RIT2: variants seen among roughly 807,000 people sequenced by gnomAD.
RIT2 encodes GTP-binding protein Rit2.
RIT2 carries 24 observed loss-of-function variants against 23.7 expected under a neutral mutation model. The ratio of observed to expected loss-of-function variants is 1.01; its 90% CI spans 0.73 to 1.43. The LOEUF (loss-of-function observed/expected upper bound fraction) is 1.43, where lower values mean the gene tolerates loss of function less well. Ranked by LOEUF, RIT2 falls within the 40% of genes most tolerant of loss-of-function variation. RIT2 has a pLI of 0.00. For missense variants in RIT2, 236 were observed against 266.9 expected, an observed-to-expected ratio of 0.88 and a Z score of 0.81; for synonymous variants, 107 against 91.1, an observed-to-expected ratio of 1.17 and a Z score of -0.99.
intron 1 of RIT2, among the ~76,000 whole-genome samples, chr18:43,063,849 T>G (rs991774535): frequency 3.3e-5 from 5 of 152,182 alleles, no homozygotes; most frequent in Non-Finnish European, 7.3e-5. Context: ...TGGAAATGTC[T>G]ATTAGGTACC....
intron 4 of RIT2, among the ~76,000 whole-genome samples, chr18:42,882,316 G>A (rs75971989): frequency 0.012 from 1,861 of 152,212 alleles, 38 homozygotes; most frequent in African/African-American, 0.041. Context: ...CTTAGACTGC[G>A]TCATGCTACT....
chr18:42,764,175 TA>T (rs1441228753), intron 4 of RIT2, among the ~76,000 whole-genome samples: 1 of 152,222 alleles, frequency 6.6e-6, no homozygotes, highest in African/African-American at 2.4e-5. Flanking sequence ...CCAAAGGAGA[TA>T]AGCTAAGTTA....
intron 4 of RIT2, among the ~76,000 whole-genome samples, chr18:42,745,947 C>A (rs1912906925): frequency 6.6e-6 from 1 of 151,982 alleles, no homozygotes; most frequent in African/African-American, 2.4e-5. Context: ...GCCTAAAGGC[C>A]CTTGTGGCTT....
At chr18:42,809,794 A>G (rs1905784025) in intron 4 of RIT2, among the ~76,000 whole-genome samples, 1 of 146,836 alleles carries the variant, frequency 6.8e-6, no homozygotes, top group Non-Finnish European at 1.5e-5. Context: ...TCCCAAGTAA[A>G]CTGATTTGAT....
At chr18:42,962,370 G>A (rs1910112742) in intron 3 of RIT2, among the ~76,000 whole-genome samples, 1 of 152,180 alleles carries the variant, frequency 6.6e-6, no homozygotes, top group South Asian at 2.1e-4. Flanking sequence ...GAGGGCATGA[G>A]TGTATAAGCC....
intron 1 of RIT2, among the ~76,000 whole-genome samples, chr18:43,079,495 T>C (rs1913104069): frequency 6.6e-6 from 1 of 152,164 alleles, no homozygotes; most frequent in African/African-American, 2.4e-5. Context: ...GAGTGAAGAA[T>C]CTCCAATTTT....
At chr18:42,992,372 C>A (rs1326615000) in intron 2 of RIT2, among the ~76,000 whole-genome samples, 1 of 152,090 alleles carries the variant, frequency 6.6e-6, no homozygotes, top group Admixed American at 6.6e-5. Context: ...GTCTGAGGTG[C>A]CTGACGTCCA....
chr18:43,104,735 G>A (rs773016925), intron 1 of RIT2, among the ~76,000 whole-genome samples: 2 of 151,936 alleles, frequency 1.3e-5, no homozygotes, highest in Non-Finnish European at 2.9e-5. Flanking sequence ...ATAATAGGCA[G>A]GAACCAATTA....
chr18:42,896,419 T>G (rs961893496), intron 4 of RIT2, among the ~76,000 whole-genome samples: 1 of 152,318 alleles, frequency 6.6e-6, no homozygotes, highest in African/African-American at 2.4e-5. Flanking sequence ...TTTCAGAACA[T>G]TATCCTGACT....
At chr18:43,004,495 C>T (rs545370432) in intron 2 of RIT2, among the ~76,000 whole-genome samples, 7 of 151,924 alleles carry the variant, frequency 4.6e-5, no homozygotes, top group Middle Eastern at 3.4e-3. Flanking sequence ...TTAGCATGAG[C>T]CTCATAACAG....
chr18:43,086,758 G>A (rs892237430), intron 1 of RIT2, among the ~76,000 whole-genome samples: 8 of 152,140 alleles, frequency 5.3e-5, no homozygotes, highest in Non-Finnish European at 8.8e-5. Flanking sequence ...CCTCCTGGAT[G>A]AAAAGATCAT....
intron 4 of RIT2, among the ~76,000 whole-genome samples, chr18:42,793,673 T>C (rs929988435): frequency 4.1e-4 from 62 of 152,070 alleles, no homozygotes; most frequent in African/African-American, 1.4e-3. Context: ...ATTTAGAAGT[T>C]GGACAGATAA....
intron 3 of RIT2, among the ~76,000 whole-genome samples, chr18:42,930,518 T>C (rs543293336): frequency 3.3e-5 from 5 of 152,088 alleles, no homozygotes; most frequent in Non-Finnish European, 7.4e-5. Context: ...GACACATTGA[T>C]ACCACTGCCT....
intron 4 of RIT2, among the ~76,000 whole-genome samples, chr18:42,758,329 T>G (rs1842359199): frequency 6.6e-6 from 1 of 152,172 alleles, no homozygotes; most frequent in South Asian, 2.1e-4. Flanking sequence ...CACCTCATTC[T>G]TCTAACATGG....
At chr18:42,930,535 G>A (rs1909301692) in intron 3 of RIT2, among the ~76,000 whole-genome samples, 1 of 151,944 alleles carries the variant, frequency 6.6e-6, no homozygotes, top group Non-Finnish European at 1.5e-5. Context: ...GCCTCGCCAA[G>A]GAAAGAAAGA....
chr18:42,992,773 G>A (rs975512396), intron 2 of RIT2, among the ~76,000 whole-genome samples: 4 of 152,046 alleles, frequency 2.6e-5, no homozygotes, highest in Admixed American at 6.6e-5. Flanking sequence ...ATCAGTTAGC[G>A]TTTAGGCTCT....
rs1464387564 is a variant in RIT2 at position 42,959,663 on chromosome 18, T to G, written c.234+14411A>C. Among the ~76,000 whole-genome samples, 4 of 152,218 alleles carry G rather than the reference T, an allele frequency of 2.6e-5. No individual in the cohort carries two copies. In the East Asian group the frequency reaches 7.7e-4, roughly 29 times the overall value. ...CAGTCATTTGTCAGATTTAAGCCAC[T>G]GTACTCCATTTAGACTAATTCATAT... On this transcript the variant is annotated intron_variant, in intron 3 of 4. Coordinates refer to ENST00000326695, the MANE Select transcript of RIT2 (RefSeq NM_002930.4).
chr18:42,795,438 G>A (rs1425886469), intron 4 of RIT2, among the ~76,000 whole-genome samples: 2 of 152,216 alleles, frequency 1.3e-5, no homozygotes, highest in Non-Finnish European at 2.9e-5. Context: ...CGCTGCTCTC[G>A]ATTTCTCACC....
intron 4 of RIT2, among the ~76,000 whole-genome samples, chr18:42,861,510 G>T (rs1456849202): frequency 6.6e-6 from 1 of 152,108 alleles, no homozygotes; most frequent in Non-Finnish European, 1.5e-5. Context: ...TCTCTGTCAT[G>T]ACATCACCAA....
Sources: allele counts gnomAD v4.1 joint callset (sites outside exome capture counted in the v4.1 genomes callset), GRCh38; gene constraint gnomAD v4.1.1; transcripts MANE v1.5; gene names NCBI Gene and HGNC (gene_info 2026-07-23, HGNC 2026-07-21).